Variants in PLCH1 observed in about 807,000 individuals in gnomAD.
PLCH1 encodes phospholipase C eta 1.
Under a neutral mutation model 126.7 loss-of-function variants are expected in PLCH1, and 60 were observed. The ratio of observed to expected loss-of-function variants is 0.47; its 90% confidence interval spans 0.38 to 0.59. The LOEUF is 0.59. PLCH1 is among the 20% of genes least tolerant of loss of function. The probability of loss-of-function intolerance (pLI) is 0.00; values close to 1 mark genes in which losing one functional copy is unlikely to be tolerated. For synonymous variants in PLCH1, 719 were observed against 734.9 expected (o/e 0.98, Z 0.35); for missense variants, 1,723 against 2,040.0 (o/e 0.84, Z 2.99).
At chr3:155,522,257 C>T (rs1357234283) in intron 11 of PLCH1, among the ~76,000 whole-genome samples, 1 of 151,978 alleles carries the variant, frequency 6.6e-6, no homozygotes, top group South Asian at 2.1e-4. Flanking sequence ...TATCCATAAT[C>T]ATAATTAATT....
At chr3:155,489,033 A>T (rs572772173) in intron 19 of PLCH1, among the ~76,000 whole-genome samples, 1 of 152,228 alleles carries the variant, frequency 6.6e-6, no homozygotes, top group Non-Finnish European at 1.5e-5. Context: ...ATCACATCAA[A>T]TCTATTAATC....
intron 2 of PLCH1, among the ~76,000 whole-genome samples, chr3:155,682,033 T>C (rs1744580750): frequency 6.6e-6 from 1 of 152,168 alleles, no homozygotes; most frequent in Non-Finnish European, 1.5e-5. Flanking sequence ...AAGCAGAGGG[T>C]AGCACTATCC....
At chr3:155,542,591 G>A (rs1205905980) in intron 10 of PLCH1, among the ~76,000 whole-genome samples, 2 of 152,136 alleles carry the variant, frequency 1.3e-5, no homozygotes, top group African/African-American at 4.8e-5. Context: ...TCCTCAAGTG[G>A]GTCCCTGACC....
At chr3:155,701,944 C>A (rs1301674322) in intron 2 of PLCH1, among the ~76,000 whole-genome samples, 1 of 152,278 alleles carries the variant, frequency 6.6e-6, no homozygotes, top group Middle Eastern at 3.4e-3. Flanking sequence ...AAAGCTATTG[C>A]TGTATTATAA....
rs146753479 is a variant in PLCH1 at position 155,541,599 on chromosome 3, T to A, written c.1362+8188A>T. On this transcript the variant is annotated intron_variant, in intron 10 of 22. Coordinates refer to ENST00000460012, the MANE Select transcript of PLCH1 (RefSeq NM_014996.4). Reference sequence around the variant, plus strand: ...CTTATCAATTAAGTTTGCCATCTTATATAGGCAGGGATTATGCCTCCCAAG... The same window carrying A: ...CTTATCAATTAAGTTTGCCATCTTAAATAGGCAGGGATTATGCCTCCCAAG... Among the ~76,000 whole-genome samples the A allele has an allele frequency of 5.6e-3, 853 of 152,256 alleles. 6 individuals carry two copies. Among genetic ancestry groups the A allele is most frequent in the Admixed American group, 8.4e-3 (129 of 15,290 alleles).
intron 2 of PLCH1, among the ~76,000 whole-genome samples, chr3:155,667,206 G>A (rs554410367): frequency 6.6e-5 from 10 of 152,208 alleles, no homozygotes; most frequent in Admixed American, 3.3e-4. Flanking sequence ...CTTGTCTTTT[G>A]CTATAATTTT....
intron 2 of PLCH1, among the ~76,000 whole-genome samples, chr3:155,653,745 T>A (rs967281624): frequency 9.9e-5 from 15 of 152,048 alleles, no homozygotes; most frequent in African/African-American, 3.6e-4. Flanking sequence ...GGTAGAAAAA[T>A]TCCTCATTCC....
intron 2 of PLCH1, among the ~76,000 whole-genome samples, chr3:155,672,688 G>A (rs567640853): frequency 1.3e-5 from 2 of 152,276 alleles, no homozygotes; most frequent in East Asian, 3.9e-4. Flanking sequence ...AAGAACAGAA[G>A]TGTTAAATTT....
chr3:155,718,566 G>A (rs1332113380), intron 1 of PLCH1, among the ~76,000 whole-genome samples: 5 of 152,154 alleles, frequency 3.3e-5, no homozygotes, highest in African/African-American at 1.2e-4. Context: ...ATCTAGGGAG[G>A]TCACAAGAAA....
At chr3:155,736,229 T>C (rs1749167554) in intron 1 of PLCH1, among the ~76,000 whole-genome samples, 1 of 152,214 alleles carries the variant, frequency 6.6e-6, no homozygotes, top group South Asian at 2.1e-4. Flanking sequence ...TAGTAAACAG[T>C]TTATGTTCTC....
At chr3:155,612,037 C>G (rs904584280) in intron 2 of PLCH1, among the ~76,000 whole-genome samples, 6 of 152,116 alleles carry the variant, frequency 3.9e-5, no homozygotes, top group Non-Finnish European at 8.8e-5. Context: ...GAAACTTTGG[C>G]CAGGCATGGT....
At chr3:155,632,440 C>A (rs1185775130) in intron 2 of PLCH1, among the ~76,000 whole-genome samples, 3 of 152,184 alleles carry the variant, frequency 2.0e-5, no homozygotes, top group Non-Finnish European at 4.4e-5. Flanking sequence ...ATGAACAAAT[C>A]AGCTGTAAAG....
intron 12 of PLCH1, among the ~76,000 whole-genome samples, chr3:155,513,433 G>A (rs1719876695): frequency 6.6e-6 from 1 of 152,076 alleles, no homozygotes; most frequent in Non-Finnish European, 1.5e-5. Flanking sequence ...AAGCCTTATG[G>A]TTGCATTTCC....
chr3:155,518,143 T>C (rs1329369732), intron 11 of PLCH1, among the ~76,000 whole-genome samples: 2 of 152,188 alleles, frequency 1.3e-5, no homozygotes, highest in Non-Finnish European at 2.9e-5. Context: ...CTTCTCAGAA[T>C]GGTGCACAAT....
intron 2 of PLCH1, among the ~76,000 whole-genome samples, chr3:155,596,653 G>C (rs1486355346): frequency 1.3e-5 from 2 of 150,648 alleles, no homozygotes; most frequent in African/African-American, 4.9e-5. Context: ...TCTGTTTTTT[G>C]GTATGAGACT....
intron 2 of PLCH1, among the ~76,000 whole-genome samples, chr3:155,677,709 T>C (rs1212453940): frequency 6.6e-6 from 1 of 152,220 alleles, no homozygotes; most frequent in Non-Finnish European, 1.5e-5. Flanking sequence ...CACAATTATA[T>C]ATTATTATTG....
At chr3:155,694,346 T>TC (rs1745644444) in intron 2 of PLCH1, among the ~76,000 whole-genome samples, 1 of 152,188 alleles carries the variant, frequency 6.6e-6, no homozygotes, top group Admixed American at 6.5e-5. Flanking sequence ...TTTTGTTTTA[T>TC]CCCCAGGTGA....
chr3:155,486,353 T>C, intron 21 of PLCH1: 1 of 597,272 alleles, frequency 1.7e-6, no homozygotes, highest in Non-Finnish European at 2.9e-6. Context: ...GCTCATTCAT[T>C]GTTCAACCAA....
chr3:155,575,547 T>G (rs567492148), intron 6 of PLCH1, among the ~76,000 whole-genome samples: 4 of 152,362 alleles, frequency 2.6e-5, no homozygotes, highest in African/African-American at 9.6e-5. Context: ...GAAAATCCTC[T>G]TGGAATTAAC....
Sources: gnomAD v4.1 joint callset for allele counts (sites outside exome capture counted in the v4.1 genomes callset) on GRCh38, gnomAD v4.1.1 for gene constraint, MANE v1.5 for transcripts, NCBI Gene and HGNC (gene_info 2026-07-23, HGNC 2026-07-21) for gene names.